Variants in MEF2B observed in about 807,000 individuals in gnomAD.
MEF2B encodes myocyte enhancer factor 2B.
MEF2B carries 15 observed loss-of-function variants against 32.2 expected under a neutral mutation model. The ratio of observed to expected loss-of-function variants is 0.47; its 90% CI spans 0.31 to 0.72. The LOEUF (loss-of-function observed/expected upper bound fraction) is 0.72. Ranked by LOEUF, MEF2B falls within the 30% of genes least tolerant of loss-of-function variation. The pLI, the probability that MEF2B is intolerant of heterozygous loss-of-function variation, is 0.05. For missense variants in MEF2B, 441 were observed against 511.5 expected (o/e 0.86, Z 1.33); for synonymous variants, 205 against 225.6 (o/e 0.91, Z 0.82).
At chr19:19,152,934 C>A (rs1273479024) in intron 1 of MEF2B, among the ~76,000 whole-genome samples, 1 of 152,222 alleles carries the variant, frequency 6.6e-6, no homozygotes, top group African/African-American at 2.4e-5. Context: ...CAGTCCCAGA[C>A]CCTCAGCTCC....
At chr19:19,149,168 C>G (rs751862255) in intron 3 of MEF2B, 58 bp downstream of exon 3, 4 of 1,595,096 alleles carry the variant, frequency 2.5e-6, no homozygotes, top group Non-Finnish European at 2.6e-6. Context: ...AGTCCCTGGG[C>G]TCTGAGAAAG....
In MEF2B at chr19:19,158,235, C is replaced by G. The variant is rs570136933; in HGVS notation, c.-29-7471G>C. ...CCTAAGTAGCTGGGATTACAGGTGC[C>G]TGCCACTGTGCCCGGCTAATTTTTG... On this transcript the variant is annotated intron_variant, in intron 1 of 8. Transcript: ENST00000424583. Among the ~76,000 whole-genome samples the G allele has an allele frequency of 2.0e-5, 3 of 151,608 alleles. No individual in the cohort carries two copies. The East Asian group carries it at 6.0e-4, about 30-fold the overall frequency.
intron 3 of MEF2B, 84 bp from the exon 4 acceptor site, chr19:19,147,916 TC>T: frequency 6.6e-7 from 1 of 1,514,686 alleles, no homozygotes. Flanking sequence ...GGACAGACCA[TC>T]CCCACCCAGC....
rs567780056 is a variant in MEF2B at position 19,169,733 on chromosome 19, C to T, written c.-30+472G>A. ...AGTTGGCCCCGGCAGCTGTTGCTCC[C>T]CCGTTCCAAGGTTTTGTGCCTACCA... On this transcript the variant is annotated intron_variant, in intron 1 of 8. Coordinates refer to ENST00000424583, the MANE Select transcript of MEF2B (RefSeq NM_001145785.2). 5.9e-5 allele frequency among the ~76,000 whole-genome samples: 9 copies of T among 152,270 alleles called. No homozygotes were observed. In the South Asian group the frequency reaches 1.9e-3, roughly 31 times the overall value.
At chr19:19,150,135 GGAGGGAA>G (rs2060061605) in intron 2 of MEF2B, among the ~76,000 whole-genome samples, 1 of 140,148 alleles carries the variant, frequency 7.1e-6, no homozygotes, top group Admixed American at 7.2e-5. Context: ...ATGGAAGGAA[GGAGGGAA>G]GGAGGGAGGG....
rs559595564 is a variant in MEF2B at position 19,168,234 on chromosome 19, C to T, written c.-30+1971G>A. ...CAGGGATGATTCTTGGCCAGGCTAGCCTGAGGCCTTGATTATTGTTTTGTT... is the reference window on the plus strand; with the variant it reads ...CAGGGATGATTCTTGGCCAGGCTAGTCTGAGGCCTTGATTATTGTTTTGTT... On this transcript the variant is annotated intron_variant, in intron 1 of 8. Transcript: ENST00000424583. Among the ~76,000 whole-genome samples the T allele has an allele frequency of 3.3e-5, 5 of 151,770 alleles. 1 individual carries two copies. The South Asian group carries it at 1.0e-3, about 31-fold the overall frequency.
chr19:19,146,249 TTGCCGTCGTCTCAGGGCACTTACCTGGGC>T lies in MEF2B; in HGVS notation c.876_881+23del. The T allele has an allele frequency of 1.9e-6, 2 of 1,052,498 alleles. No homozygotes were observed. The highest frequency in any genetic ancestry group is 2.6e-6 in the Non-Finnish European group (2 of 781,282). 65.2% of individuals were successfully genotyped at this position (1,052,498 alleles called of 1,614,324 possible). On this transcript the variant is annotated splice_donor_variant and splice_donor_5th_base_variant and coding_sequence_variant and intron_variant, in exon 8 of 9. Transcript: ENST00000424583. LOFTEE classifies it high-confidence loss of function. The stretch of plus-strand genomic sequence containing the variant: ...GGCCGGGGCTTTGGAGGACTGGGAC[TTGCCGTCGTCTCAGGGCACTTACCTGGGC>T]TGGGAGGACACGGCGGGGGGCCCAT...
In MEF2B at chr19:19,147,049, T is replaced by C. The variant is rs763687229; in HGVS notation, c.528A>G (p.Lys176=). The C allele has an allele frequency of 1.9e-6, 3 of 1,604,112 alleles. No homozygotes were observed. Among genetic ancestry groups the C allele is most frequent in the Non-Finnish European group, 2.6e-6 (3 of 1,175,944 alleles). ...RPSPFRPAAP[K]AGPPGLVHPL... ...TCCCATGCTCACCTGGGGGCCCGGC[T>C]TTGGGGGCTGCTGGTCGGAAGGGAG... The change falls in exon 5 of 9, where the codon AAA becomes AAG. Residue 176 remains lysine (K), a synonymous_variant. Transcript: ENST00000424583.
At chr19:19,156,597 A>G (rs1029649778) in intron 1 of MEF2B, among the ~76,000 whole-genome samples, 13 of 152,170 alleles carry the variant, frequency 8.5e-5, no homozygotes, top group African/African-American at 3.1e-4. Flanking sequence ...AGAACAGGAA[A>G]GTGCAGCATT....
chr19:19,153,019 G>A (rs191854390), intron 1 of MEF2B, among the ~76,000 whole-genome samples: 91 of 152,328 alleles, frequency 6.0e-4, no homozygotes, highest in African/African-American at 1.6e-3. Flanking sequence ...CCCACGGCTG[G>A]GATATGTTGC....
Position 19,146,696 on chromosome 19 carries a change from G to T in MEF2B, c.675+46C>A, listed in dbSNP as rs374282030. The T allele has an allele frequency of 1.4e-5, 22 of 1,613,426 alleles. No homozygotes were observed. The African/African-American group carries it at 2.4e-4, about 18-fold the overall frequency. ...GGAAACTGAGGCCCACACCCAGGTC[G>T]CCCTGCCTGCCCTCATCAGCCCTGC... On this transcript the variant is annotated intron_variant, in intron 6 of 8. Transcript: ENST00000424583.
intron 1 of MEF2B, among the ~76,000 whole-genome samples, chr19:19,168,989 T>C (rs1364864514): frequency 6.6e-6 from 1 of 151,840 alleles, no homozygotes; most frequent in Non-Finnish European, 1.5e-5. Flanking sequence ...GAGGCAGAGG[T>C]TGCAGTGAGC....
chr19:19,150,188 G>A (rs545387304), intron 2 of MEF2B, among the ~76,000 whole-genome samples: 2 of 136,298 alleles, frequency 1.5e-5, no homozygotes, highest in South Asian at 5.2e-4. Context: ...GGGAGGGAAG[G>A]AAGGAAGGAA....
intron 1 of MEF2B, among the ~76,000 whole-genome samples, chr19:19,159,686 G>GA (rs2060145014): frequency 1.3e-5 from 2 of 152,114 alleles, no homozygotes; most frequent in African/African-American, 4.8e-5. Context: ...CAGGAGTGCG[G>GA]AAGCATCAGA....
chr19:19,164,070 G>A (rs969908546), intron 1 of MEF2B, among the ~76,000 whole-genome samples: 5 of 151,260 alleles, frequency 3.3e-5, no homozygotes, highest in African/African-American at 9.7e-5. Context: ...GGGTTGAAGC[G>A]ATTCTCCTGC....
chr19:19,148,584 C>T (rs2146354693), intron 3 of MEF2B, among the ~76,000 whole-genome samples: 1 of 152,282 alleles, frequency 6.6e-6, no homozygotes, highest in Non-Finnish European at 1.5e-5. Context: ...CTGCCCCACA[C>T]TTCCAAAACA....
At chr19:19,159,279 G>A (rs916045216) in intron 1 of MEF2B, among the ~76,000 whole-genome samples, 1 of 151,030 alleles carries the variant, frequency 6.6e-6, no homozygotes, top group Non-Finnish European at 1.5e-5. Flanking sequence ...AATCTAGCGG[G>A]GCATGGTGGT....
intron 1 of MEF2B, among the ~76,000 whole-genome samples, chr19:19,151,958 ATTTTT>A (rs201703145): frequency 1.7e-5 from 2 of 116,600 alleles, no homozygotes; most frequent in East Asian, 2.4e-4. Context: ...CCCCATCTCT[ATTTTT>A]TTTTTTTTTT....
rs766141253 is a variant in MEF2B at position 19,150,737 on chromosome 19, G to A, written c.-2C>T. 20 of 1,613,890 alleles carry A rather than the reference G, an allele frequency of 1.2e-5. No homozygotes were observed. The highest frequency in any genetic ancestry group is 5.0e-5 in the Admixed American group (3 of 59,970). On this transcript the variant is annotated 5_prime_UTR_variant, in exon 2 of 9. It adds an upstream start codon to the 5' untranslated region. Transcript: ENST00000424583. ...GATCTGGATTTTTTTCCTCCCCATC[G>A]TCCCAGGCTGAGTGGAATGATCTTT...
Sources: gnomAD v4.1 joint callset for allele counts (sites outside exome capture counted in the v4.1 genomes callset) on GRCh38, gnomAD v4.1.1 for gene constraint, MANE v1.5 for transcripts, NCBI Gene and HGNC (gene_info 2026-07-23, HGNC 2026-07-21) for gene names.